KCNMA1: variants seen among roughly 807,000 people sequenced by gnomAD.
KCNMA1 encodes Calcium-activated potassium channel subunit alpha-1.
In KCNMA1, 29 loss-of-function variants were observed where a neutral mutation model predicts 140.0. The observed-to-expected ratio is 0.21, with a 90% CI of 0.15 to 0.28. The LOEUF is 0.28. Among genes scored for constraint, KCNMA1 ranks in the 10% least tolerant of loss-of-function variants. The probability of loss-of-function intolerance (pLI) is 1.00; values close to 1 mark genes in which losing one functional copy is unlikely to be tolerated. For missense variants in KCNMA1, 880 were observed against 1,602.2 expected (o/e 0.55, Z 7.70); for synonymous variants, 612 against 611.9 (o/e 1.00, Z 0.00).
chr10:77,070,076 A>G (rs1595252661), intron 14 of KCNMA1, among the ~76,000 whole-genome samples: 1 of 152,148 alleles, frequency 6.6e-6, no homozygotes, highest in South Asian at 2.1e-4. Flanking sequence ...TTGGCCTCCC[A>G]AAGTGCTTAT....
At chr10:76,948,939 A>G in intron 22 of KCNMA1, 2 of 629,710 alleles carry the variant, frequency 3.2e-6, no homozygotes, top group South Asian at 3.7e-5. Flanking sequence ...GAGGGACTGA[A>G]CTTGGCTGCA....
chr10:77,453,360 TAAATATAAATAAATAA>T (rs1274455338), intron 1 of KCNMA1, among the ~76,000 whole-genome samples: 2 of 94,896 alleles, frequency 2.1e-5, no homozygotes, highest in South Asian at 3.1e-4. Context: ...AAAAAATAAA[TAAATATAAATAAATAA>T]ATAAATAAAT....
At chr10:77,360,848 G>A (rs946076199) in intron 2 of KCNMA1, among the ~76,000 whole-genome samples, 3 of 152,172 alleles carry the variant, frequency 2.0e-5, no homozygotes, top group African/African-American at 4.8e-5. Flanking sequence ...AGGGAGGGAC[G>A]GGTAGAATCA....
At chr10:77,539,284 A>G (rs756835590) in intron 1 of KCNMA1, among the ~76,000 whole-genome samples, 12 of 152,240 alleles carry the variant, frequency 7.9e-5, no homozygotes, top group Admixed American at 2.0e-4. Flanking sequence ...CAAGCACCTA[A>G]GTCAGGTTGC....
At chr10:77,165,145 G>A (rs2098624903) in intron 5 of KCNMA1, among the ~76,000 whole-genome samples, 1 of 152,104 alleles carries the variant, frequency 6.6e-6, no homozygotes, top group Non-Finnish European at 1.5e-5. Context: ...TGTCTCATAT[G>A]AAAAGCTCTA....
chr10:77,532,620 T>C (rs2154553176), intron 1 of KCNMA1, among the ~76,000 whole-genome samples: 1 of 152,332 alleles, frequency 6.6e-6, no homozygotes, highest in African/African-American at 2.4e-5. Context: ...ATATTCCATG[T>C]ACTGAATATT....
At chr10:77,087,052 G>C (rs1199773912) in intron 10 of KCNMA1, among the ~76,000 whole-genome samples, 1 of 152,170 alleles carries the variant, frequency 6.6e-6, no homozygotes, top group Non-Finnish European at 1.5e-5. Context: ...GTGGGAGTGG[G>C]CATCATCCAG....
intron 5 of KCNMA1, among the ~76,000 whole-genome samples, chr10:77,126,339 T>C (rs1400591630): frequency 6.6e-6 from 1 of 152,186 alleles, no homozygotes; most frequent in Non-Finnish European, 1.5e-5. Flanking sequence ...CTCTATTATA[T>C]GATCAATTCT....
chr10:77,354,011 C>T (rs2093222271), intron 2 of KCNMA1, among the ~76,000 whole-genome samples: 1 of 147,190 alleles, frequency 6.8e-6, no homozygotes, highest in South Asian at 2.2e-4. Flanking sequence ...GGGATGGAGT[C>T]TTGTTCTGTC....
At chr10:77,602,578 T>C (rs2083013742) in intron 1 of KCNMA1, among the ~76,000 whole-genome samples, 1 of 152,166 alleles carries the variant, frequency 6.6e-6, no homozygotes, top group Non-Finnish European at 1.5e-5. Flanking sequence ...GCTCGGTTTT[T>C]AAAATTTGAT....
chr10:77,343,132 A>C (rs978620395), intron 2 of KCNMA1, among the ~76,000 whole-genome samples: 41 of 152,036 alleles, frequency 2.7e-4, no homozygotes, highest in African/African-American at 9.2e-4. Flanking sequence ...ACCCCAGGTG[A>C]GCATTGAGGC....
intron 2 of KCNMA1, among the ~76,000 whole-genome samples, chr10:77,256,613 G>T (rs1408753342): frequency 1.3e-5 from 2 of 152,144 alleles, no homozygotes; most frequent in Non-Finnish European, 2.9e-5. Context: ...ACTAGAAAAA[G>T]TACAGAGAGG....
chr10:77,015,616 T>G (rs1397963712), intron 17 of KCNMA1, among the ~76,000 whole-genome samples: 1 of 152,148 alleles, frequency 6.6e-6, no homozygotes, highest in East Asian at 1.9e-4. Flanking sequence ...TCACTGTGTG[T>G]ATGTTTAGTA....
At chr10:77,418,607 G>A (rs1455406491) in intron 1 of KCNMA1, among the ~76,000 whole-genome samples, 1 of 152,104 alleles carries the variant, frequency 6.6e-6, no homozygotes, top group Non-Finnish European at 1.5e-5. Flanking sequence ...CAGTGAGGAG[G>A]ATACCCTTGA....
chr10:77,633,675 C>T (rs1001279276), intron 1 of KCNMA1, among the ~76,000 whole-genome samples: 1 of 152,156 alleles, frequency 6.6e-6, no homozygotes, highest in Non-Finnish European at 1.5e-5. Flanking sequence ...TTCTCAGGCA[C>T]AGCCATGGAG....
At chr10:76,964,665 T>C (rs917504957) in intron 20 of KCNMA1, among the ~76,000 whole-genome samples, 3 of 152,170 alleles carry the variant, frequency 2.0e-5, no homozygotes, top group African/African-American at 7.2e-5. Context: ...CTCAGTCCAT[T>C]TTGCCATTTT....
intron 3 of KCNMA1, among the ~76,000 whole-genome samples, chr10:77,235,089 T>C (rs1056443404): frequency 1.3e-5 from 2 of 152,224 alleles, no homozygotes; most frequent in Non-Finnish European, 2.9e-5. Context: ...GCATAATTAA[T>C]ACTAGCAGGC....
At chr10:77,207,884 A>G (rs754493429) in intron 3 of KCNMA1, among the ~76,000 whole-genome samples, 2 of 152,210 alleles carry the variant, frequency 1.3e-5, no homozygotes, top group Non-Finnish European at 1.5e-5. Context: ...ATCCACTTTA[A>G]TCTTTGCATT....
chr10:77,458,330 G>A (rs1387247436), intron 1 of KCNMA1, among the ~76,000 whole-genome samples: 1 of 152,222 alleles, frequency 6.6e-6, no homozygotes, highest in East Asian at 1.9e-4. Context: ...AGATAGGGCA[G>A]GCACCAAGGC....
Sources: gnomAD v4.1 joint callset for allele counts (sites outside exome capture counted in the v4.1 genomes callset) on GRCh38, gnomAD v4.1.1 for gene constraint, MANE v1.5 for transcripts, NCBI Gene and HGNC (gene_info 2026-07-23, HGNC 2026-07-21) for gene names.